Variants in GRIN2A observed in about 807,000 individuals in gnomAD.
The protein encoded by GRIN2A is glutamate ionotropic receptor NMDA type subunit 2A, also known as glutamate receptor ionotropic, NMDA 2A.
Under a neutral mutation model 113.4 loss-of-function variants are expected in GRIN2A, and 22 were observed. The ratio of observed to expected loss-of-function variants is 0.19; its 90% CI spans 0.14 to 0.28. GRIN2A has a LOEUF of 0.28. Among genes scored for constraint, GRIN2A ranks in the 10% least tolerant of loss-of-function variants. The pLI, the probability that GRIN2A is intolerant of heterozygous loss-of-function variation, is 1.00. For synonymous variants in GRIN2A, 827 were observed against 738.4 expected, an observed-to-expected ratio of 1.12 and a Z score of -1.94; for missense variants, 1,502 against 1,887.0, an observed-to-expected ratio of 0.80 and a Z score of 3.78.
chr16:9,872,272 G>A (rs560300467), intron 4 of GRIN2A, among the ~76,000 whole-genome samples: 6 of 152,200 alleles, frequency 3.9e-5, no homozygotes, highest in South Asian at 2.1e-4. Context: ...GATCAAACTC[G>A]CTCTCTAACC....
At chr16:10,111,603 A>G in intron 2 of GRIN2A, 2 of 1,132,772 alleles carry the variant, frequency 1.8e-6, no homozygotes, top group Non-Finnish European at 2.7e-6. Flanking sequence ...ACACTGAGAC[A>G]GAGGCCGACA....
chr16:9,927,039 T>A (rs1300044486), intron 3 of GRIN2A, among the ~76,000 whole-genome samples: 4 of 152,172 alleles, frequency 2.6e-5, no homozygotes, highest in Non-Finnish European at 4.4e-5. Flanking sequence ...CATTTTACAT[T>A]ACCTGTGTGG....
intron 2 of GRIN2A, among the ~76,000 whole-genome samples, chr16:10,178,524 G>A (rs1319459991): frequency 6.6e-6 from 1 of 152,204 alleles, no homozygotes; most frequent in Non-Finnish European, 1.5e-5. Flanking sequence ...GTCAGTGGTG[G>A]CAGAGCATGG....
chr16:10,072,945 C>CT (rs1567278503), intron 2 of GRIN2A, among the ~76,000 whole-genome samples: 1 of 96,092 alleles, frequency 1.0e-5, no homozygotes. Context: ...GACAAGACCC[C>CT]CTTTTTTTTT....
chr16:9,853,880 A>C (rs939346016), intron 4 of GRIN2A, among the ~76,000 whole-genome samples: 1 of 152,206 alleles, frequency 6.6e-6, no homozygotes, highest in African/African-American at 2.4e-5. Flanking sequence ...ACAGCAAAAA[A>C]ACCCATTATA....
intron 2 of GRIN2A, among the ~76,000 whole-genome samples, chr16:10,075,472 G>A (rs2047852611): frequency 6.6e-6 from 1 of 152,104 alleles, no homozygotes; most frequent in Admixed American, 6.6e-5. Flanking sequence ...TTGCAAGTAA[G>A]TACAGAGACT....
At chr16:9,848,479 G>C (rs2042815383) in intron 5 of GRIN2A, among the ~76,000 whole-genome samples, 1 of 150,916 alleles carries the variant, frequency 6.6e-6, no homozygotes, top group South Asian at 2.1e-4. Flanking sequence ...GCCTCCCAAA[G>C]TGCTGAGATT....
At chr16:9,921,206 A>T (rs1268247956) in intron 3 of GRIN2A, among the ~76,000 whole-genome samples, 5 of 152,226 alleles carry the variant, frequency 3.3e-5, no homozygotes, top group Non-Finnish European at 7.3e-5. Flanking sequence ...AGTATTGATG[A>T]CAACATTAAC....
chr16:10,012,994 T>C (rs1337524110), intron 2 of GRIN2A, among the ~76,000 whole-genome samples: 1 of 152,152 alleles, frequency 6.6e-6, no homozygotes, highest in East Asian at 1.9e-4. Context: ...GCTGGCCCAA[T>C]TTACCAGTTC....
chr16:10,042,334 A>G (rs1195870531), intron 2 of GRIN2A, among the ~76,000 whole-genome samples: 1 of 152,054 alleles, frequency 6.6e-6, no homozygotes, highest in Non-Finnish European at 1.5e-5. Context: ...CTTTTGGATC[A>G]CTCACTCTGA....
chr16:10,157,062 G>A lies in GRIN2A; in HGVS notation c.414+22936C>T, dbSNP rs537915907. Among the ~76,000 whole-genome samples the A allele has an allele frequency of 2.6e-5, 4 of 152,308 alleles. No individual in the cohort carries two copies. The East Asian group carries it at 7.7e-4, about 29-fold the overall frequency. On this transcript the variant is annotated intron_variant, in intron 2 of 12. Coordinates refer to ENST00000330684, the MANE Select transcript of GRIN2A (RefSeq NM_001134407.3). ...TGAATATAATGTTGATATCACCAAA[G>A]CTTTAAGAGTGGAGAGTAACATGTC...
intron 2 of GRIN2A, among the ~76,000 whole-genome samples, chr16:9,982,058 G>A (rs1486357288): frequency 6.6e-6 from 1 of 152,188 alleles, no homozygotes; most frequent in Non-Finnish European, 1.5e-5. Flanking sequence ...AAAGTGCTGG[G>A]ATTACAGGTG....
At chr16:9,803,116 G>T (rs1009279346) in intron 10 of GRIN2A, among the ~76,000 whole-genome samples, 83 of 152,206 alleles carry the variant, frequency 5.5e-4, no homozygotes, top group African/African-American at 1.8e-3. Context: ...GAAAAATGGA[G>T]CCAACTTGCC....
rs7184809 is a variant in GRIN2A at position 9,922,504 on chromosome 16, C to G, written c.1007+15455G>C. Reference sequence around the variant, plus strand: ...AATTACATCCACGCCCATCTGGACCCAGTTTTCTATTATTTTTATTAGGAA... The same window carrying G: ...AATTACATCCACGCCCATCTGGACCGAGTTTTCTATTATTTTTATTAGGAA... On this transcript the variant is annotated intron_variant, in intron 3 of 12. Transcript: ENST00000330684. Among the ~76,000 whole-genome samples the G allele has an allele frequency of 3.8e-3, 576 of 152,258 alleles. 3 individuals carry two copies. Among genetic ancestry groups the G allele is most frequent in the African/African-American group, 0.013 (547 of 41,548 alleles).
At chr16:9,883,943 A>C (rs2043536880) in intron 4 of GRIN2A, among the ~76,000 whole-genome samples, 4 of 152,220 alleles carry the variant, frequency 2.6e-5, no homozygotes, top group Admixed American at 2.6e-4. Flanking sequence ...ATCATCTTTA[A>C]TTGGATCTTC....
At chr16:10,118,488 C>T (rs8058537) in intron 2 of GRIN2A, among the ~76,000 whole-genome samples, 128,479 of 152,132 alleles carry the variant, frequency 0.84, 55,017 homozygotes, top group East Asian at 0.92. Flanking sequence ...GAGTGTATAC[C>T]TCTAAGCCTG....
chr16:9,857,027 T>C (rs1596503835), intron 4 of GRIN2A, among the ~76,000 whole-genome samples: 1 of 152,234 alleles, frequency 6.6e-6, no homozygotes, highest in East Asian at 1.9e-4. Context: ...CGTGGTGTTC[T>C]ACCTGTGTCG....
intron 8 of GRIN2A, among the ~76,000 whole-genome samples, chr16:9,832,199 T>C (rs759546993): frequency 8.9e-4 from 135 of 152,082 alleles, no homozygotes; most frequent in Middle Eastern, 3.4e-3. Flanking sequence ...CAGGCAATTC[T>C]CCTGCCTTGG....
intron 4 of GRIN2A, among the ~76,000 whole-genome samples, chr16:9,886,048 G>T (rs1231344774): frequency 6.6e-6 from 1 of 152,246 alleles, no homozygotes; most frequent in African/African-American, 2.4e-5. Context: ...TTGTGTACCA[G>T]CTCCCTGGAA....
Sources: allele counts gnomAD v4.1 joint callset (sites outside exome capture counted in the v4.1 genomes callset), GRCh38; gene constraint gnomAD v4.1.1; transcripts MANE v1.5; gene names NCBI Gene and HGNC (gene_info 2026-07-23, HGNC 2026-07-21).